Variants in CMPK2 observed in about 807,000 individuals in gnomAD.
CMPK2 encodes cytidine/uridine monophosphate kinase 2.
A neutral mutation model predicts 33.4 loss-of-function variants in CMPK2; 32 were observed. The observed-to-expected ratio is 0.96, with a 90% CI of 0.72 to 1.29. CMPK2 has a LOEUF of 1.29. Ranked by LOEUF, CMPK2 falls within the 50% of genes most tolerant of loss-of-function variation. The pLI is 0.00. For missense variants in CMPK2, 672 were observed against 616.0 expected (o/e 1.09, Z -0.96); for synonymous variants, 299 against 275.3 (o/e 1.09, Z -0.85).
intron 3 of CMPK2, among the ~76,000 whole-genome samples, chr2:6,841,074 G>A (rs1190930156): frequency 6.6e-6 from 1 of 152,102 alleles, no homozygotes; most frequent in Non-Finnish European, 1.5e-5. Flanking sequence ...CAAGCACAAT[G>A]AAGATGGTAT....
Position 6,848,999 on chromosome 2 carries a change from T to A in CMPK2, c.*851A>T. 5 of 985,088 alleles carry A rather than the reference T, an allele frequency of 5.1e-6. No homozygotes were observed. Among genetic ancestry groups the A allele is most frequent in the Non-Finnish European group, 6.0e-6 (5 of 829,234 alleles). 61.0% of individuals were successfully genotyped at this position (985,088 alleles called of 1,614,324 possible). ...TTTAATTAATGAATCATAGCTCCTA[T>A]GCTGAGGAAACATATTATGTATAGA... is the stretch of plus-strand genomic sequence containing the variant. On this transcript the variant is annotated 3_prime_UTR_variant, in exon 5 of 5. Coordinates refer to ENST00000256722, the MANE Select transcript of CMPK2 (RefSeq NM_207315.4).
intron 3 of CMPK2, among the ~76,000 whole-genome samples, chr2:6,853,984 G>T (rs1358044933): frequency 6.6e-6 from 1 of 152,006 alleles, no homozygotes; most frequent in Non-Finnish European, 1.5e-5. Flanking sequence ...CTCCAAAAGT[G>T]TGCTCTGAGA....
At chr2:6,850,271 T>A (rs1025287696) in intron 4 of CMPK2, among the ~76,000 whole-genome samples, 2 of 152,248 alleles carry the variant, frequency 1.3e-5, no homozygotes, top group Non-Finnish European at 2.9e-5. Context: ...ACTATTGTCA[T>A]CCCTGTTTTG....
intron 4 of CMPK2, 30 bp from the exon 5 acceptor site, chr2:6,850,003 T>TC: frequency 6.5e-7 from 1 of 1,545,030 alleles, no homozygotes; most frequent in East Asian, 2.3e-5. Context: ...AAAGAGTTGG[T>TC]CTACTTTTTC....
intron 2 of CMPK2, among the ~76,000 whole-genome samples, chr2:6,862,798 C>G (rs901432085): frequency 1.3e-5 from 2 of 152,212 alleles, no homozygotes; most frequent in East Asian, 1.9e-4. Flanking sequence ...TATTAAAAGT[C>G]TGTACCCCTC....
Position 6,851,669 on chromosome 2 carries a change from G to A in CMPK2, c.1007C>T (p.Thr336Met), listed in dbSNP as rs753647983. The change falls in exon 4 of 5, where the codon ACG (threonine) becomes ATG (methionine). Residue 336 changes from threonine to methionine, a missense_variant. Coordinates refer to ENST00000256722, the MANE Select transcript of CMPK2 (RefSeq NM_207315.4). ...PVIVDRYWHS[T>M]ATYAIATEVS... ...CTCAGTGGCTATGGCATAGGTGGCCGTGCTGTGCCAGTACCTGAGAAGGAA... is the reference window on the plus strand; with the variant it reads ...CTCAGTGGCTATGGCATAGGTGGCCATGCTGTGCCAGTACCTGAGAAGGAA... The A allele has an allele frequency of 1.7e-5, 28 of 1,614,108 alleles. No homozygotes were observed. The highest frequency in any genetic ancestry group is 1.7e-4 in the Middle Eastern group (1 of 6,060).
rs1488280913 is a variant in CMPK2, at chr2:6,865,084, G to A, written c.613C>T (p.Pro205Ser). The change falls in exon 1 of 5, where the codon CCA becomes TCA. Residue 205 changes from proline (P) to serine (S), a missense_variant. Physicochemically the swap from Pro to Ser is moderately conservative, Grantham distance 74 (BLOSUM62 -1). Coordinates refer to ENST00000256722, the MANE Select transcript of CMPK2 (RefSeq NM_207315.4). ...AAGACCACGGAACTGGGCAAGTCTG[G>A]CACCACCGGGTGCAGCGGGGGCTCC... ...VPEPPLHPVVPDLPSSVVFPD... is the reference protein window; with the variant it reads ...VPEPPLHPVVSDLPSSVVFPD... 6.7e-7 allele frequency: 1 copy of A among 1,486,594 alleles called. No individual in the cohort carries two copies. Among genetic ancestry groups the A allele is most frequent in the East Asian group, 2.7e-5 (1 of 36,392 alleles). 92.1% of individuals were successfully genotyped at this position (1,486,594 alleles called of 1,614,324 possible).
chr2:6,864,717 C>T (rs912491467), intron 1 of CMPK2, among the ~76,000 whole-genome samples: 5 of 152,214 alleles, frequency 3.3e-5, no homozygotes, highest in African/African-American at 1.2e-4. Context: ...TCCCAGCTGA[C>T]ATTATTTTCC....
chr2:6,849,750 C>T lies in CMPK2; in HGVS notation c.*100G>A, dbSNP rs746588618. 2.5e-6 allele frequency: 4 copies of T among 1,570,144 alleles called. No individual in the cohort carries two copies. Among genetic ancestry groups the T allele is most frequent in the Admixed American group, 3.9e-5 (2 of 51,866 alleles). ...CTCCAGTTTTCTGCCACACAACATG[C>T]TTGTAGAACAGAAATTTGGGAACAC... is the stretch of plus-strand genomic sequence containing the variant. On this transcript the variant is annotated 3_prime_UTR_variant, in exon 5 of 5. Transcript: ENST00000256722.
intron 3 of CMPK2, among the ~76,000 whole-genome samples, chr2:6,853,215 G>C (rs1319734500): frequency 6.6e-6 from 1 of 152,114 alleles, no homozygotes; most frequent in East Asian, 1.9e-4. Context: ...CTCTCAAAGT[G>C]CTGGAATTAC....
chr2:6,861,322 G>A lies in CMPK2; in HGVS notation c.854C>T (p.Pro285Leu). 1 of 1,614,134 alleles carries A rather than the reference G, an allele frequency of 6.2e-7. No homozygotes were observed. The highest frequency in any genetic ancestry group is 8.5e-7 in the Non-Finnish European group (1 of 1,180,026). ...SLKAVLLKSP[P>L]SCIGQWRKIF... Reference sequence around the variant, plus strand: ...CTTCCTCCACTGGCCAATGCAAGAGGGTGGTGACTTTAAGAGGACAGCCTT... The same window carrying A: ...CTTCCTCCACTGGCCAATGCAAGAGAGTGGTGACTTTAAGAGGACAGCCTT... The change falls in exon 3 of 5, where the codon CCC becomes CTC. Residue 285 changes from proline (P) to leucine (L), a missense_variant. Physicochemically the swap from Pro to Leu is moderately conservative, Grantham distance 98. Transcript: ENST00000256722.
downstream of CMPK2, among the ~76,000 whole-genome samples, chr2:6,844,436 C>G (rs1040853546): frequency 1.3e-5 from 2 of 152,218 alleles, no homozygotes; most frequent in Non-Finnish European, 2.9e-5. Context: ...ACTAATGCCT[C>G]TCTCAGCCTT....
chr2:6,866,275 C>T (rs1572148295), upstream of CMPK2: 3 of 265,020 alleles, frequency 1.1e-5, no homozygotes, highest in East Asian at 1.8e-4. Context: ...ACCTCAACTC[C>T]TAGCTCTGAC....
upstream of CMPK2, chr2:6,866,031 G>A: frequency 2.3e-6 from 1 of 432,780 alleles, no homozygotes; most frequent in Non-Finnish European, 3.7e-6. Flanking sequence ...GAGGCCCCGC[G>A]CCGTCGGCCC....
chr2:6,859,355 T>A (rs1167475772), intron 3 of CMPK2, among the ~76,000 whole-genome samples: 1 of 152,136 alleles, frequency 6.6e-6, no homozygotes, highest in Non-Finnish European at 1.5e-5. Flanking sequence ...AGAAGCCAAA[T>A]GTTAATCACC....
In CMPK2 at chr2:6,849,901, C is replaced by T; in HGVS notation, c.1299G>A (p.Lys433=). 1 of 1,614,092 alleles carries T rather than the reference C, an allele frequency of 6.2e-7. No homozygotes were observed. Among genetic ancestry groups the T allele is most frequent in the East Asian group, 2.2e-5 (1 of 44,874 alleles). ...TTAGGCTTAATACCGTCTGCAGGAC[C>T]TTTTCTCTGGAGGGGCTGGCATCAA... ...HVVDASPSRE[K]VLQTVLSLIQ... is the part of the protein sequence containing the mutation. The change falls in exon 5 of 5, where the codon AAG becomes AAA. Residue 433 remains lysine (K), a synonymous_variant. Transcript: ENST00000256722.
At chr2:6,846,359 C>G (rs1662361911), downstream of CMPK2, among the ~76,000 whole-genome samples, 1 of 152,180 alleles carries the variant, frequency 6.6e-6, no homozygotes, top group Non-Finnish European at 1.5e-5. Flanking sequence ...CATATGGTGC[C>G]ATGAATGTCT....
Position 6,865,171 on chromosome 2 carries a change from G to A in CMPK2, c.526C>T (p.Leu176Phe), listed in dbSNP as rs1274218249. 2 of 1,535,930 alleles carry A rather than the reference G, an allele frequency of 1.3e-6. No individual in the cohort carries two copies. The highest frequency in any genetic ancestry group is 1.7e-4 in the Middle Eastern group (1 of 5,864). The change falls in exon 1 of 5, where the codon CTC becomes TTC. Residue 176 changes from leucine (L) to phenylalanine (F), a missense_variant. Leu to Phe is a conservative substitution (Grantham distance 22, BLOSUM62 0). Transcript: ENST00000256722. Reference protein sequence around the residue: ...ADPRGQLWQRLWEVQDGRRLQ... With the variant: ...ADPRGQLWQRFWEVQDGRRLQ... ...CGCCTGCCGTCTTGCACCTCCCAGAGGCGCTGCCACAGCTGGCCGCGCGGG... is the reference window on the plus strand; with the variant it reads ...CGCCTGCCGTCTTGCACCTCCCAGAAGCGCTGCCACAGCTGGCCGCGCGGG...
At chr2:6,843,466 GAGGGGGTACTGCATT>G (rs1662280130), downstream of CMPK2, among the ~76,000 whole-genome samples, 3 of 152,270 alleles carry the variant, frequency 2.0e-5, no homozygotes, top group African/African-American at 4.8e-5. Flanking sequence ...TAAAGTCCTT[GAGGGGGTACTGCATT>G]AGGGGGTACT....
Sources: gnomAD v4.1 joint callset for allele counts (sites outside exome capture counted in the v4.1 genomes callset) on GRCh38, gnomAD v4.1.1 for gene constraint, MANE v1.5 for transcripts, NCBI Gene and HGNC (gene_info 2026-07-23, HGNC 2026-07-21) for gene names.